The following MYO3A variants were observed in gnomAD, a reference collection of about 807,000 sequenced individuals.
MYO3A encodes myosin-IIIa.
Under a neutral mutation model 192.7 loss-of-function variants are expected in MYO3A, and 180 were observed. That is an observed-to-expected ratio of 0.93 (90% CI 0.83 to 1.06). MYO3A has a LOEUF of 1.06. Among genes scored for constraint, MYO3A ranks in the 50% least tolerant of loss-of-function variants. The pLI is 0.00. For missense variants in MYO3A, 1,896 were observed against 1,905.0 expected, an observed-to-expected ratio of 1.00 and a Z score of 0.09; for synonymous variants, 628 against 645.3, an observed-to-expected ratio of 0.97 and a Z score of 0.41.
At chr10:25,954,795 T>G in intron 3 of MYO3A, 79 bp from the exon 4 acceptor site, 2 of 1,418,608 alleles carry the variant, frequency 1.4e-6, no homozygotes, top group Non-Finnish European at 9.9e-7. Flanking sequence ...AAATTCTGTA[T>G]TTGGTATTCT....
At chr10:26,125,788 C>T (rs1839185211) in intron 19 of MYO3A, among the ~76,000 whole-genome samples, 180 bp downstream of exon 19, 2 of 152,096 alleles carry the variant, frequency 1.3e-5, no homozygotes, top group South Asian at 4.1e-4. Context: ...CATAATGCCA[C>T]TTAACTATAA....
intron 23 of MYO3A, among the ~76,000 whole-genome samples, chr10:26,152,294 G>A (rs144320377): frequency 7.9e-5 from 12 of 152,330 alleles, no homozygotes; most frequent in African/African-American, 1.4e-4. Context: ...GCTAGGCACC[G>A]TGCTAAGCAC....
intron 4 of MYO3A, among the ~76,000 whole-genome samples, chr10:25,973,781 A>C (rs1838805774): frequency 6.6e-6 from 1 of 152,182 alleles, no homozygotes; most frequent in African/African-American, 2.4e-5. Context: ...CTAAGAAATA[A>C]CACCACACAT....
intron 17 of MYO3A, among the ~76,000 whole-genome samples, chr10:26,100,978 C>G (rs1373647658): frequency 6.6e-6 from 1 of 152,130 alleles, no homozygotes; most frequent in Non-Finnish European, 1.5e-5. Flanking sequence ...ATTGATCTGT[C>G]TAATATTGAC....
intron 17 of MYO3A, among the ~76,000 whole-genome samples, chr10:26,114,572 G>T (rs774114103): frequency 1.4e-5 from 2 of 143,476 alleles, no homozygotes; most frequent in East Asian, 4.0e-4. Flanking sequence ...AAAAGAAGAG[G>T]ACATTTAGAT....
chr10:26,133,144 T>C (rs1251009432), intron 20 of MYO3A, among the ~76,000 whole-genome samples: 4 of 152,226 alleles, frequency 2.6e-5, no homozygotes, highest in African/African-American at 9.6e-5. Flanking sequence ...TTCTTCCCTA[T>C]TAAGTCATAT....
intron 18 of MYO3A, among the ~76,000 whole-genome samples, chr10:26,125,002 T>TGAACAGG (rs1406963629): frequency 7.9e-5 from 12 of 152,232 alleles, no homozygotes; most frequent in South Asian, 2.1e-4. Context: ...TTCCAGTTAA[T>TGAACAGG]TTCTACATTT....
intron 10 of MYO3A, among the ~76,000 whole-genome samples, chr10:26,030,729 C>T (rs1201259304): frequency 6.6e-6 from 1 of 152,202 alleles, no homozygotes; most frequent in East Asian, 1.9e-4. Flanking sequence ...ATGTGCTTGG[C>T]AGTATAATTT....
At chr10:26,053,931 A>AC (rs1844163596) in intron 10 of MYO3A, among the ~76,000 whole-genome samples, 1 of 152,176 alleles carries the variant, frequency 6.6e-6, no homozygotes, top group African/African-American at 2.4e-5. Context: ...GTTATCCCAG[A>AC]CCTCGCAATC....
intron 14 of MYO3A, among the ~76,000 whole-genome samples, chr10:26,071,668 C>A (rs774941366): frequency 2.0e-5 from 3 of 152,088 alleles, no homozygotes; most frequent in Non-Finnish European, 2.9e-5. Flanking sequence ...TCATACAAAT[C>A]AATAAGAAAT....
At chr10:26,027,371 G>T (rs984327293) in intron 10 of MYO3A, among the ~76,000 whole-genome samples, 4 of 151,564 alleles carry the variant, frequency 2.6e-5, no homozygotes, top group Admixed American at 1.3e-4. Context: ...TTGAGACAGG[G>T]TCTCACTTTG....
intron 26 of MYO3A, among the ~76,000 whole-genome samples, chr10:26,164,926 G>A (rs1465638946): frequency 6.6e-6 from 1 of 152,154 alleles, no homozygotes; most frequent in African/African-American, 2.4e-5. Context: ...GTACATGAGC[G>A]AGTTAGTCCT....
At chr10:26,022,361 A>G (rs1351172809) in intron 8 of MYO3A, 1 of 152,222 alleles carries the variant, frequency 6.6e-6, no homozygotes, top group African/African-American at 2.4e-5. Context: ...TTATTTTTAA[A>G]TATCTTTTTA....
At chr10:26,036,100 AT>A (rs780540392) in intron 10 of MYO3A, among the ~76,000 whole-genome samples, 2 of 151,292 alleles carry the variant, frequency 1.3e-5, no homozygotes, top group East Asian at 1.9e-4. Context: ...CGCCTGGCTA[AT>A]TTTTTTTGTA....
At chr10:26,063,696 A>T (rs935498880) in intron 10 of MYO3A, among the ~76,000 whole-genome samples, 1 of 152,206 alleles carries the variant, frequency 6.6e-6, no homozygotes, top group African/African-American at 2.4e-5. Flanking sequence ...GGTGACATTT[A>T]AGGTGGATTG....
chr10:25,981,489 A>G (rs1839326699), intron 4 of MYO3A, among the ~76,000 whole-genome samples: 1 of 152,228 alleles, frequency 6.6e-6, no homozygotes, highest in South Asian at 2.1e-4. Context: ...GACACTTAAA[A>G]TAAAAGGGCA....
intron 2 of MYO3A, among the ~76,000 whole-genome samples, chr10:25,943,251 G>T (rs1836616079): frequency 6.6e-6 from 1 of 151,794 alleles, no homozygotes; most frequent in Non-Finnish European, 1.5e-5. Flanking sequence ...CACTCTATTT[G>T]TCTATGTGTA....
At chr10:26,083,378 C>CTGG (rs1254204934) in intron 14 of MYO3A, among the ~76,000 whole-genome samples, 1 of 152,140 alleles carries the variant, frequency 6.6e-6, no homozygotes, top group Non-Finnish European at 1.5e-5. Flanking sequence ...TTATTTATTT[C>CTGG]TGGAATTTTT....
At chr10:26,043,966 T>A (rs945366618) in intron 10 of MYO3A, among the ~76,000 whole-genome samples, 2 of 152,196 alleles carry the variant, frequency 1.3e-5, no homozygotes, top group Non-Finnish European at 2.9e-5. Context: ...CCAAGGCCCA[T>A]GGTGTACTAT....
Sources: allele counts gnomAD v4.1 joint callset (sites outside exome capture counted in the v4.1 genomes callset), GRCh38; gene constraint gnomAD v4.1.1; transcripts MANE v1.5; gene names NCBI Gene and HGNC (gene_info 2026-07-23, HGNC 2026-07-21).